CELF2: variants seen among roughly 807,000 people sequenced by gnomAD.
CELF2 encodes CUG triplet repeat RNA-binding protein 2.
Under a neutral mutation model 62.6 loss-of-function variants are expected in CELF2, and 8 were observed. The observed-to-expected ratio is 0.13, with a 90% confidence interval of 0.07 to 0.23. CELF2 has a LOEUF of 0.23. Among genes scored for constraint, CELF2 ranks in the 10% least tolerant of loss-of-function variants. The pLI is 1.00. For missense variants in CELF2, 333 were observed against 671.0 expected, an observed-to-expected ratio of 0.50 and a Z score of 5.56; for synonymous variants, 258 against 250.0, an observed-to-expected ratio of 1.03 and a Z score of -0.30.
intron 1 of CELF2, among the ~76,000 whole-genome samples, chr10:11,124,160 C>T (rs1395797878): frequency 6.6e-6 from 1 of 152,178 alleles, no homozygotes; most frequent in African/African-American, 2.4e-5. Flanking sequence ...TCTGGTGCTG[C>T]CCTTGACACA....
Position 11,191,181 on chromosome 10 carries a change from A to G in CELF2, c.271+25499A>G, listed in dbSNP as rs1403272226. Among the ~76,000 whole-genome samples the G allele has an allele frequency of 5.9e-5, 9 of 152,204 alleles. No homozygotes were observed. The highest frequency in any genetic ancestry group is 3.8e-4 in the East Asian group (2 of 5,202). ...GGCACCTGGCTCAGTGCCTGTAACA[A>G]TGGACACTCATGTTCATCTAGTTCT... is the stretch of plus-strand genomic sequence containing the variant. On this transcript the variant is annotated intron_variant, in intron 2 of 12. Transcript: ENST00000633077. This position sits in a 1 kb window ranked among gnomAD's most constrained non-coding sequence, Gnocchi z 4.1.
the CELF2 span, among the ~76,000 whole-genome samples, chr10:10,518,726 T>TAAAAAAAAA: frequency 4.0e-5 from 6 of 151,010 alleles, no homozygotes; most frequent in South Asian, 2.1e-4. Flanking sequence ...GATTTTTTTT[T>TAAAAAAAAA]AAAAAAAAAT....
chr10:10,818,546 C>CTTTTTTTTTTTTTTTTTTTTTT (rs3028992), intron 1 of CELF2, among the ~76,000 whole-genome samples: 2 of 116,538 alleles, frequency 1.7e-5, no homozygotes, highest in Non-Finnish European at 1.7e-5. Context: ...TAAATATTTC[C>CTTTTTTTTTTTTTTTTTTTTTT]TTTTTTTTTT....
the CELF2 span, among the ~76,000 whole-genome samples, chr10:10,543,903 G>A: frequency 6.6e-6 from 1 of 152,204 alleles, no homozygotes; most frequent in East Asian, 1.9e-4. Flanking sequence ...CATGCAGTGA[G>A]TCTTGCCTTG....
At chr10:10,758,934 C>G in the CELF2 span, among the ~76,000 whole-genome samples, 1 of 152,170 alleles carries the variant, frequency 6.6e-6, no homozygotes, top group African/African-American at 2.4e-5. Flanking sequence ...TTGATTAAAA[C>G]TGCCTGTTGA....
At chr10:11,327,385 C>G (rs550512059) in intron 12 of CELF2, among the ~76,000 whole-genome samples, 7 of 152,190 alleles carry the variant, frequency 4.6e-5, no homozygotes, top group Non-Finnish European at 8.8e-5. Flanking sequence ...AGCCTACAGC[C>G]TCCTTAACCA....
Position 10,895,950 on chromosome 10 carries a change from T to C in CELF2, c.54-24014T>C, listed in dbSNP as rs141775258. 7.9e-5 allele frequency among the ~76,000 whole-genome samples: 12 copies of C among 152,240 alleles called. No individual in the cohort carries two copies. The East Asian group carries it at 2.3e-3, about 29-fold the overall frequency. The stretch of plus-strand genomic sequence containing the variant: ...GGGGAAGAAGGAGGCTGGTAGACTC[T>C]CTTAGTTGAGGAAACAAAGCTGAGA... On this transcript the variant is annotated intron_variant, in intron 1 of 13. Coordinates refer to the CELF2 transcript ENST00000636488.
At chr10:11,320,960 A>C in intron 10 of CELF2, 1 of 1,529,272 alleles carries the variant, frequency 6.5e-7, no homozygotes, top group Non-Finnish European at 8.8e-7. Flanking sequence ...GCCACAGTGC[A>C]TTTGAATCAC....
chr10:11,088,809 G>T (rs550041030), intron 1 of CELF2, among the ~76,000 whole-genome samples: 62 of 152,320 alleles, frequency 4.1e-4, no homozygotes, highest in Middle Eastern at 3.4e-3. Context: ...GGGAGCCTCA[G>T]CTGGAAGAAT....
rs79819041 is a variant in CELF2, at chr10:10,884,904, A to G, written c.54-35060A>G. On this transcript the variant is annotated intron_variant, in intron 1 of 13. Transcript: ENST00000636488. ...TTATTGTGGCCTTCTCTGCCATGGC[A>G]TTTATCTAGCACATGCTAAGCACTT... is the stretch of plus-strand genomic sequence containing the variant. Among the ~76,000 whole-genome samples the G allele has an allele frequency of 1.7e-3, 262 of 152,296 alleles. 6 individuals carry two copies. In the East Asian group the frequency reaches 0.044, roughly 26 times the overall value.
chr10:10,702,382 C>A, the CELF2 span, among the ~76,000 whole-genome samples: 1 of 152,140 alleles, frequency 6.6e-6, no homozygotes, highest in Non-Finnish European at 1.5e-5. Context: ...GACCTATGAG[C>A]TTTGAAATTT....
chr10:10,502,352 A>G, the CELF2 span, among the ~76,000 whole-genome samples: 1 of 151,872 alleles, frequency 6.6e-6, no homozygotes, highest in Non-Finnish European at 1.5e-5. Context: ...TGTATTAGAT[A>G]TTTAGTCTTG....
chr10:10,962,303 C>A (rs2049604430), intron 2 of CELF2, among the ~76,000 whole-genome samples: 1 of 152,240 alleles, frequency 6.6e-6, no homozygotes, highest in Non-Finnish European at 1.5e-5. Context: ...GCACCATCTC[C>A]CTGCCCTGTC....
At chr10:10,483,150 C>T in the CELF2 span, among the ~76,000 whole-genome samples, 9 of 144,780 alleles carry the variant, frequency 6.2e-5, no homozygotes, top group Non-Finnish European at 1.0e-4. Flanking sequence ...TTACAAGTTA[C>T]AGTCTCACAG....
intron 2 of CELF2, among the ~76,000 whole-genome samples, chr10:11,172,835 C>A (rs1262109161): frequency 6.6e-6 from 1 of 152,230 alleles, no homozygotes; most frequent in Non-Finnish European, 1.5e-5. Flanking sequence ...CCCCAGTCGT[C>A]TTTTCCCCAG....
At chr10:10,876,287 T>C (rs1418776995) in intron 1 of CELF2, among the ~76,000 whole-genome samples, 1 of 152,146 alleles carries the variant, frequency 6.6e-6, no homozygotes, top group Non-Finnish European at 1.5e-5. Flanking sequence ...GGGTTATGCT[T>C]AGGAGGAAGA....
chr10:10,761,610 C>T, the CELF2 span, among the ~76,000 whole-genome samples: 11 of 152,286 alleles, frequency 7.2e-5, 1 homozygote, highest in South Asian at 1.0e-3. Flanking sequence ...CTGTTGAAGG[C>T]CTGAATACAA....
intron 1 of CELF2, among the ~76,000 whole-genome samples, chr10:11,104,876 GCT>G (rs1236288650): frequency 2.6e-5 from 4 of 152,136 alleles, no homozygotes; most frequent in African/African-American, 9.7e-5. Flanking sequence ...ATGTAGTTTG[GCT>G]CCATATAGCA....
chr10:11,049,079 G>T (rs2063392826), intron 1 of CELF2, among the ~76,000 whole-genome samples: 1 of 146,852 alleles, frequency 6.8e-6, no homozygotes, highest in African/African-American at 2.6e-5. Flanking sequence ...GAAATCACTT[G>T]TTTTCTGCAT....
Sources: allele counts gnomAD v4.1 joint callset (sites outside exome capture counted in the v4.1 genomes callset), GRCh38; gene constraint gnomAD v4.1.1; non-coding constraint Gnocchi (gnomAD v3.1); transcripts MANE v1.5; gene names NCBI Gene and HGNC (gene_info 2026-07-23, HGNC 2026-07-21).